IHO1: variants seen among roughly 807,000 people sequenced by gnomAD.
The protein encoded by IHO1 is interactor of HORMAD1 protein 1.
IHO1 carries 13 observed loss-of-function variants against 31.0 expected under a neutral mutation model. The observed-to-expected ratio is 0.42, with a 90% CI of 0.27 to 0.67. The LOEUF (loss-of-function observed/expected upper bound fraction) is 0.67. IHO1 is among the 30% of genes least tolerant of loss of function. The pLI is 0.24. For synonymous variants in IHO1, 221 were observed against 248.4 expected, an observed-to-expected ratio of 0.89 and a Z score of 1.04; for missense variants, 599 against 687.5, an observed-to-expected ratio of 0.87 and a Z score of 1.44.
Position 49,257,664 on chromosome 3 carries a change from A to G in IHO1, c.*382A>G, listed in dbSNP as rs2107749222. ...TGCGGTGGCAGCATGACTCCAAACAACATTTTTGGGTCTTTAAAATATTCC... is the reference window on the plus strand; with the variant it reads ...TGCGGTGGCAGCATGACTCCAAACAGCATTTTTGGGTCTTTAAAATATTCC... On this transcript the variant is annotated 3_prime_UTR_variant, in exon 8 of 8. Coordinates refer to ENST00000452691, the MANE Select transcript of IHO1 (RefSeq NM_001135197.2). 5.5e-6 allele frequency: 1 copy of G among 181,058 alleles called. No individual in the cohort carries two copies. Among genetic ancestry groups the G allele is most frequent in the African/African-American group, 2.4e-5 (1 of 42,142 alleles). The allele number at this position is 181,058 out of a possible 1,614,324, so 11.2% of individuals were successfully genotyped here.
At chr3:49,223,151 G>T (rs2046374487) in intron 2 of IHO1, among the ~76,000 whole-genome samples, 1 of 152,306 alleles carries the variant, frequency 6.6e-6, no homozygotes, top group Non-Finnish European at 1.5e-5. Flanking sequence ...TGTGATAAAA[G>T]GTTGTCCATA....
intron 2 of IHO1, among the ~76,000 whole-genome samples, chr3:49,228,594 G>A (rs1023896222): frequency 1.3e-5 from 2 of 152,186 alleles, no homozygotes; most frequent in African/African-American, 2.4e-5. Context: ...CTTCAGGAAT[G>A]AAGCTGTGGA....
At chr3:49,234,162 G>GT (rs56802492) in intron 2 of IHO1, among the ~76,000 whole-genome samples, 3,506 of 91,936 alleles carry the variant, frequency 0.038, 54 homozygotes, top group African/African-American at 0.072. Flanking sequence ...TTTTGTTGTT[G>GT]TTTTTTTTTT....
intron 2 of IHO1, among the ~76,000 whole-genome samples, chr3:49,217,509 G>A (rs981224356): frequency 6.7e-6 from 1 of 148,344 alleles, no homozygotes; most frequent in Non-Finnish European, 1.5e-5. Flanking sequence ...GGGGGGCTGG[G>A]GGAGGGATAG....
intron 3 of IHO1, 100 bp from the exon 4 acceptor site, chr3:49,241,126 T>C: frequency 1.2e-6 from 1 of 815,634 alleles, no homozygotes; most frequent in Non-Finnish European, 1.8e-6. Context: ...GTTACAGCAA[T>C]ATGGTTTGCA....
chr3:49,219,412 G>A (rs554208661), intron 2 of IHO1, among the ~76,000 whole-genome samples: 1 of 152,118 alleles, frequency 6.6e-6, no homozygotes, highest in African/African-American at 2.4e-5. Flanking sequence ...CCTTTGTTTT[G>A]GCCCATCCCT....
At chr3:49,234,467 A>T (rs888677547) in intron 2 of IHO1, among the ~76,000 whole-genome samples, 8 of 152,010 alleles carry the variant, frequency 5.3e-5, no homozygotes, top group Non-Finnish European at 1.2e-4. Flanking sequence ...GGCATGAGCC[A>T]CCACGCCCAG....
At chr3:49,213,867 T>C (rs1297200630) in intron 2 of IHO1, 1 of 251,586 alleles carries the variant, frequency 4.0e-6, no homozygotes, top group East Asian at 1.1e-4. Context: ...TGACCTCGGC[T>C]AGCCCAGAGA....
intron 2 of IHO1, among the ~76,000 whole-genome samples, chr3:49,215,238 C>T (rs1321269559): frequency 2.6e-5 from 4 of 151,674 alleles, no homozygotes; most frequent in South Asian, 2.1e-4. Context: ...TTTGTAAAGA[C>T]GAGGTTTCGC....
At chr3:49,200,475 A>AAATAAAG in intron 1 of IHO1, 1 of 103,016 alleles carries the variant, frequency 9.7e-6, no homozygotes, top group South Asian at 6.3e-4. Flanking sequence ...AAAAAAAAAA[A>AAATAAAG]AAAGAAAGAA....
chr3:49,227,224 GC>G (rs999122028), intron 2 of IHO1, among the ~76,000 whole-genome samples: 16 of 152,094 alleles, frequency 1.1e-4, no homozygotes, highest in Non-Finnish European at 4.4e-5. Context: ...CCCTCAGATG[GC>G]CATTTTTCCC....
rs530538055 is a variant in IHO1 at position 49,222,266 on chromosome 3, A to G, written c.56+10430A>G. Reference sequence around the variant, plus strand: ...ACGGATAGAGAGCTACAAAGCCAACAGTCATTTGCCAGGGAAGGATTGGAC... The same window carrying G: ...ACGGATAGAGAGCTACAAAGCCAACGGTCATTTGCCAGGGAAGGATTGGAC... On this transcript the variant is annotated intron_variant, in intron 2 of 7. Transcript: ENST00000452691. Among the ~76,000 whole-genome samples the G allele has an allele frequency of 2.1e-3, 313 of 152,350 alleles. 2 individuals are homozygous for G. The highest frequency in any genetic ancestry group is 9.9e-3 in the Admixed American group (152 of 15,300).
intron 2 of IHO1, among the ~76,000 whole-genome samples, chr3:49,223,572 T>G (rs1388785823): frequency 1.3e-5 from 2 of 151,916 alleles, no homozygotes; most frequent in African/African-American, 4.8e-5. Context: ...GCACCTATAG[T>G]CCCAGCTACT....
At chr3:49,205,513 G>T (rs1425497627) in intron 1 of IHO1, among the ~76,000 whole-genome samples, 2 of 151,766 alleles carry the variant, frequency 1.3e-5, no homozygotes, top group African/African-American at 2.4e-5. Flanking sequence ...TAGAGATGGG[G>T]TTCCACCATG....
At chr3:49,233,869 G>C (rs2046512747) in intron 2 of IHO1, among the ~76,000 whole-genome samples, 1 of 152,144 alleles carries the variant, frequency 6.6e-6, no homozygotes, top group South Asian at 2.1e-4. Flanking sequence ...CCACTTCCAG[G>C]CATTCCTAAA....
upstream of IHO1, among the ~76,000 whole-genome samples, chr3:49,195,419 C>T (rs1231579514): frequency 6.5e-5 from 9 of 138,170 alleles, no homozygotes; most frequent in Admixed American, 3.8e-4. Flanking sequence ...AAGACTCCAT[C>T]TCAAAAAAAA....
At chr3:49,222,245 A>T (rs1183471433) in intron 2 of IHO1, among the ~76,000 whole-genome samples, 1 of 152,206 alleles carries the variant, frequency 6.6e-6, no homozygotes, top group Non-Finnish European at 1.5e-5. Flanking sequence ...GCGCTGACGG[A>T]TAGAGAGCTA....
intron 2 of IHO1, among the ~76,000 whole-genome samples, chr3:49,234,421 C>T (rs2046527031): frequency 6.6e-6 from 1 of 151,804 alleles, no homozygotes; most frequent in South Asian, 2.1e-4. Flanking sequence ...CTCAGGTAGT[C>T]TGCCCACCTC....
chr3:49,244,112 G>A (rs1322706629), intron 4 of IHO1, among the ~76,000 whole-genome samples: 3 of 151,760 alleles, frequency 2.0e-5, no homozygotes, highest in African/African-American at 4.8e-5. Flanking sequence ...CCACCACCAC[G>A]CCTGGCTAAT....
Sources: allele counts gnomAD v4.1 joint callset (sites outside exome capture counted in the v4.1 genomes callset), GRCh38; gene constraint gnomAD v4.1.1; transcripts MANE v1.5; gene names NCBI Gene and HGNC (gene_info 2026-07-23, HGNC 2026-07-21).